PRDM16: variants seen among roughly 807,000 people sequenced by gnomAD.
The protein encoded by PRDM16 is histone-lysine N-methyltransferase PRDM16.
PRDM16 carries 23 observed loss-of-function variants against 110.6 expected under a neutral mutation model. That is an observed-to-expected ratio of 0.21 (90% CI 0.15 to 0.29). The LOEUF (loss-of-function observed/expected upper bound fraction) is 0.29, where lower values mean the gene tolerates loss of function less well. Ranked by LOEUF, PRDM16 falls within the 10% of genes least tolerant of loss-of-function variation. The pLI is 1.00. For missense variants in PRDM16, 1,615 were observed against 1,794.3 expected, an observed-to-expected ratio of 0.90 and a Z score of 1.81; for synonymous variants, 799 against 781.8, an observed-to-expected ratio of 1.02 and a Z score of -0.37.
At chr1:3,276,892 G>C (rs1457342000) in intron 3 of PRDM16, among the ~76,000 whole-genome samples, 1 of 152,174 alleles carries the variant, frequency 6.6e-6, no homozygotes, top group Non-Finnish European at 1.5e-5. Flanking sequence ...GGCTGGGCTT[G>C]GTCAAGTTCA....
intron 1 of PRDM16, among the ~76,000 whole-genome samples, chr1:3,083,989 G>A (rs913061037): frequency 3.3e-5 from 5 of 152,234 alleles, no homozygotes; most frequent in East Asian, 3.8e-4. Context: ...GACCCTGTTC[G>A]CGAGAGAAGA....
At chr1:3,314,108 ACTGTCCCTTAAGGAGCGGACCGC>A (rs1196810973) in intron 3 of PRDM16, among the ~76,000 whole-genome samples, 1 of 141,540 alleles carries the variant, frequency 7.1e-6, no homozygotes, top group Non-Finnish European at 1.5e-5. Context: ...GACCCAAGTC[ACTGTCCCTTAAGGAGCGGACCGC>A]CTGAGCCCTG....
chr1:3,378,082 G>T (rs1248516793), intron 3 of PRDM16, among the ~76,000 whole-genome samples: 1 of 152,226 alleles, frequency 6.6e-6, no homozygotes, highest in East Asian at 1.9e-4. Flanking sequence ...AGGGCAGGCG[G>T]AGACATCGCC....
At chr1:3,341,469 C>A (rs1642270783) in intron 3 of PRDM16, among the ~76,000 whole-genome samples, 1 of 152,126 alleles carries the variant, frequency 6.6e-6, no homozygotes, top group Admixed American at 6.5e-5. Context: ...GGTGGTCTGG[C>A]AGATGGAGAT....
rs115265381 is a variant in PRDM16 at position 3,220,834 on chromosome 1, G to A, written c.388-23253G>A. On this transcript the variant is annotated intron_variant, in intron 2 of 16. Coordinates refer to ENST00000270722, the MANE Select transcript of PRDM16 (RefSeq NM_022114.4). ...TACAGTCTGCATGGGGAAGCTCCTC[G>A]CCTTGGTCTCTTTGAGATAAGCTGC... Among the ~76,000 whole-genome samples the A allele has an allele frequency of 6.0e-3, 918 of 152,296 alleles. 8 individuals carry two copies. Among genetic ancestry groups the A allele is most frequent in the African/African-American group, 0.021 (868 of 41,564 alleles).
intron 3 of PRDM16, among the ~76,000 whole-genome samples, chr1:3,356,621 G>GA (rs1188617268): frequency 3.3e-5 from 5 of 152,228 alleles, no homozygotes; most frequent in Non-Finnish European, 7.3e-5. Context: ...CTGTTCTAAG[G>GA]AGCGCTTCAC....
chr1:3,421,345 C>G (rs1396076010), intron 12 of PRDM16, among the ~76,000 whole-genome samples: 1 of 152,208 alleles, frequency 6.6e-6, no homozygotes, highest in Non-Finnish European at 1.5e-5. Context: ...GGCACGGTCA[C>G]AGCAAGGTCC....
intron 2 of PRDM16, among the ~76,000 whole-genome samples, chr1:3,196,016 C>T (rs1303000048): frequency 6.6e-6 from 1 of 152,180 alleles, no homozygotes; most frequent in Non-Finnish European, 1.5e-5. Flanking sequence ...GAACCCGGGG[C>T]TGAGAAGGAA....
At chr1:3,211,713 C>T (rs1047095968) in intron 2 of PRDM16, among the ~76,000 whole-genome samples, 2 of 152,232 alleles carry the variant, frequency 1.3e-5, no homozygotes, top group Admixed American at 6.5e-5. Flanking sequence ...TGGCACTTCA[C>T]GGACAAGCCG....
chr1:3,294,824 T>C (rs1036117020), intron 3 of PRDM16, among the ~76,000 whole-genome samples: 2 of 152,182 alleles, frequency 1.3e-5, no homozygotes, highest in African/African-American at 4.8e-5. Flanking sequence ...ACGGCCAATG[T>C]TTTTGTTCTT....
At chr1:3,107,777 G>A (rs1282116756) in intron 1 of PRDM16, among the ~76,000 whole-genome samples, 1 of 152,222 alleles carries the variant, frequency 6.6e-6, no homozygotes, top group East Asian at 1.9e-4. Context: ...GCTGCCTCCT[G>A]GTTGTGCTGG....
In PRDM16 at chr1:3,313,622, G is replaced by A. The variant is rs570603771; in HGVS notation, c.438+69485G>A. On this transcript the variant is annotated intron_variant, in intron 3 of 16. Transcript: ENST00000270722. ...CTCCCAGCCCCTCACCTGCGCCTGC[G>A]AGGCCGTGCGGACCCCGCTCCACTC... Among the ~76,000 whole-genome samples the A allele has an allele frequency of 2.7e-4, 41 of 152,316 alleles. No individual in the cohort carries two copies. In the South Asian group the frequency reaches 4.6e-3, roughly 17 times the overall value.
intron 3 of PRDM16, among the ~76,000 whole-genome samples, chr1:3,331,261 G>A (rs1000133493): frequency 6.6e-6 from 1 of 152,100 alleles, no homozygotes; most frequent in Non-Finnish European, 1.5e-5. Flanking sequence ...GCCAGCCTGG[G>A]GGGGGCGCAT....
intron 2 of PRDM16, among the ~76,000 whole-genome samples, chr1:3,237,518 G>A (rs1399548632): frequency 2.0e-5 from 3 of 152,194 alleles, no homozygotes; most frequent in East Asian, 1.9e-4. Context: ...TACTGTTTCC[G>A]TATTTTTTAA....
intron 3 of PRDM16, among the ~76,000 whole-genome samples, chr1:3,311,396 C>G (rs117823241): frequency 6.6e-6 from 1 of 152,164 alleles, no homozygotes; most frequent in African/African-American, 2.4e-5. Context: ...GAAACCTGCC[C>G]GTGCATTGGT....
intron 1 of PRDM16, among the ~76,000 whole-genome samples, chr1:3,082,878 T>G (rs1052997100): frequency 1.3e-5 from 2 of 152,158 alleles, no homozygotes; most frequent in African/African-American, 2.4e-5. Context: ...CTGTGGCCCC[T>G]GGGTCTGTGG....
At chr1:3,427,959 G>A (rs1478112129) in intron 14 of PRDM16, among the ~76,000 whole-genome samples, 2 of 152,134 alleles carry the variant, frequency 1.3e-5, no homozygotes, top group African/African-American at 4.8e-5. Context: ...ACCCATGAGC[G>A]CCACAGGCCA....
chr1:3,078,271 C>T (rs971053630), intron 1 of PRDM16, among the ~76,000 whole-genome samples: 3 of 152,150 alleles, frequency 2.0e-5, no homozygotes, highest in Admixed American at 2.0e-4. Context: ...ATGCTAGGGG[C>T]CCACCTGGAG....
intron 3 of PRDM16, among the ~76,000 whole-genome samples, chr1:3,282,127 C>T (rs556714091): frequency 6.6e-6 from 1 of 152,362 alleles, no homozygotes; most frequent in South Asian, 2.1e-4. Flanking sequence ...TGGGCTTGCA[C>T]ATGAAAAGCT....
Sources: allele counts gnomAD v4.1 joint callset (sites outside exome capture counted in the v4.1 genomes callset), GRCh38; gene constraint gnomAD v4.1.1; transcripts MANE v1.5; gene names NCBI Gene and HGNC (gene_info 2026-07-23, HGNC 2026-07-21).